PACSIN1: variants seen among roughly 807,000 people sequenced by gnomAD.
PACSIN1 encodes protein kinase C and casein kinase substrate in neurons 1.
A neutral mutation model predicts 59.5 loss-of-function variants in PACSIN1; 15 were observed. That is an observed-to-expected ratio of 0.25 (90% CI 0.17 to 0.39). The LOEUF (loss-of-function observed/expected upper bound fraction) is 0.39. Among genes scored for constraint, PACSIN1 ranks in the 10% least tolerant of loss-of-function variants. The pLI, the probability that PACSIN1 is intolerant of heterozygous loss-of-function variation, is 1.00. For synonymous variants in PACSIN1, 210 were observed against 220.6 expected, an observed-to-expected ratio of 0.95 and a Z score of 0.42; for missense variants, 420 against 580.2, an observed-to-expected ratio of 0.72 and a Z score of 2.84.
intron 1 of PACSIN1, among the ~76,000 whole-genome samples, chr6:34,508,126 G>A (rs999616275): frequency 1.3e-5 from 2 of 152,096 alleles, no homozygotes; most frequent in Admixed American, 6.6e-5. Context: ...TGTTTGAGAC[G>A]GAGTTTCGCT....
At chr6:34,523,350 T>C (rs950201547) in intron 1 of PACSIN1, among the ~76,000 whole-genome samples, 2 of 152,248 alleles carry the variant, frequency 1.3e-5, no homozygotes, top group Non-Finnish European at 2.9e-5. Flanking sequence ...CCGTGGTACC[T>C]GGACAAGCTC....
At chr6:34,520,041 T>G (rs1265612305) in intron 1 of PACSIN1, among the ~76,000 whole-genome samples, 1 of 151,950 alleles carries the variant, frequency 6.6e-6, no homozygotes, top group Non-Finnish European at 1.5e-5. Context: ...GGACAGGGAC[T>G]GAGCTGGCCC....
rs570268354 is a variant in PACSIN1 at position 34,533,122 on chromosome 6, G to A, written c.*592G>A. 1 of 152,478 alleles carries A rather than the reference G, an allele frequency of 6.6e-6. No homozygotes were observed. Among genetic ancestry groups the A allele is most frequent in the Admixed American group, 6.5e-5 (1 of 15,308 alleles). The allele number at this position is 152,478 out of a possible 1,614,324, so 9.4% of individuals were successfully genotyped here. On this transcript the variant is annotated 3_prime_UTR_variant, in exon 10 of 10. Coordinates refer to ENST00000244458, the MANE Select transcript of PACSIN1 (RefSeq NM_020804.5). ...GGAACGGTCACCCTCCTCCCCCATG[G>A]AGGTTTCCAGGGGTCCCCCAGACAT...
chr6:34,532,637 A>C lies in PACSIN1; in HGVS notation c.*107A>C. The C allele has an allele frequency of 1.5e-6, 1 of 678,390 alleles. No individual in the cohort carries two copies. The highest frequency in any genetic ancestry group is 1.9e-5 in the South Asian group (1 of 52,024). 42.0% of individuals were successfully genotyped at this position (678,390 alleles called of 1,614,324 possible). A position where few individuals can be genotyped will look rare whatever the true frequency, so the allele number is the denominator to read the frequency against. On this transcript the variant is annotated 3_prime_UTR_variant, in exon 10 of 10. Coordinates refer to ENST00000244458, the MANE Select transcript of PACSIN1 (RefSeq NM_020804.5). The surrounding 1 kb of genome is among the most constrained non-coding windows in gnomAD (Gnocchi z 5.2). ...AGAGTTCCAGACATATTTTCCGATC[A>C]AGCTTTTATTTTTTTAAAAGTCAAA...
intron 1 of PACSIN1, among the ~76,000 whole-genome samples, chr6:34,493,060 G>A (rs925518847): frequency 6.6e-5 from 10 of 152,204 alleles, no homozygotes; most frequent in African/African-American, 1.2e-4. Context: ...CATATGGAGC[G>A]CTGGGGCTGG....
rs55848755 is a variant in PACSIN1, at chr6:34,502,031, C to CAA, written c.-63-24192_-63-24191dup. Among the ~76,000 whole-genome samples the CAA allele has an allele frequency of 5.6e-3, 378 of 66,970 alleles. 6 individuals are homozygous for CAA. The highest frequency in any genetic ancestry group is 0.016 in the African/African-American group (310 of 19,118). The allele number at this position is 66,970 out of a possible 152,430, so 43.9% of individuals were successfully genotyped here. A position where few individuals can be genotyped will look rare whatever the true frequency, so the allele number is the denominator to read the frequency against. On this transcript the variant is annotated intron_variant, in intron 1 of 9. Transcript: ENST00000244458. ...CAGGAGACAGTGCAAGACTCTGTCT[C>CAA]AAAAAAAAAAAAAAAAAAAAAGCAA... is the stretch of plus-strand genomic sequence containing the variant.
intron 1 of PACSIN1, among the ~76,000 whole-genome samples, chr6:34,490,226 C>CTTTT (rs56754772): frequency 1.1e-3 from 114 of 102,696 alleles, no homozygotes; most frequent in Middle Eastern, 7.0e-3. Context: ...AATTTAAAAA[C>CTTTT]TTTTTTTTTT....
At chr6:34,469,044 T>C (rs1766535803) in intron 1 of PACSIN1, among the ~76,000 whole-genome samples, 1 of 151,602 alleles carries the variant, frequency 6.6e-6, no homozygotes, top group Non-Finnish European at 1.5e-5. Context: ...TAGAAAGCCT[T>C]CCCTGGAGAA....
At chr6:34,478,324 G>C (rs948473482) in intron 1 of PACSIN1, among the ~76,000 whole-genome samples, 1 of 148,398 alleles carries the variant, frequency 6.7e-6, no homozygotes, top group African/African-American at 2.5e-5. Flanking sequence ...CTCCCAAAGT[G>C]CTGGGATTAC....
In PACSIN1 at chr6:34,532,560, C is replaced by A; in HGVS notation, c.*30C>A. The stretch of plus-strand genomic sequence containing the variant: ...CCCCTCCCTCCATACTCCCGTCACT[C>A]CTCCCCACTGCCGCCCCTCCCCTCC... On this transcript the variant is annotated 3_prime_UTR_variant, in exon 10 of 10. Transcript: ENST00000244458. This position sits in a 1 kb window ranked among gnomAD's most constrained non-coding sequence, Gnocchi z 5.2. 7.8e-7 allele frequency: 1 copy of A among 1,278,610 alleles called. No individual in the cohort carries two copies. The highest frequency in any genetic ancestry group is 1.1e-6 in the Non-Finnish European group (1 of 906,726). 79.2% of individuals were successfully genotyped at this position (1,278,610 alleles called of 1,614,324 possible).
rs369507511 is a variant in PACSIN1, at chr6:34,514,706, G to A, written c.-63-11537G>A. Reference sequence around the variant, plus strand: ...TGCGTGCCCATGTTGATGCGGCGCCGTGCGGGAGGCGGGCATCCCCTGCTG... The same window carrying A: ...TGCGTGCCCATGTTGATGCGGCGCCATGCGGGAGGCGGGCATCCCCTGCTG... On this transcript the variant is annotated intron_variant, in intron 1 of 9. Coordinates refer to ENST00000244458, the MANE Select transcript of PACSIN1 (RefSeq NM_020804.5). The surrounding 1 kb of genome is among the most constrained non-coding windows in gnomAD (Gnocchi z 4.4). Among the ~76,000 whole-genome samples, 6 of 152,232 alleles carry A rather than the reference G, an allele frequency of 3.9e-5. No homozygotes were observed. The highest frequency in any genetic ancestry group is 3.9e-4 in the East Asian group (2 of 5,190).
Position 34,530,139 on chromosome 6 carries a change from G to A in PACSIN1, c.789-104G>A. The A allele has an allele frequency of 7.0e-7, 1 of 1,437,992 alleles. No individual in the cohort carries two copies. 89.1% of individuals were successfully genotyped at this position (1,437,992 alleles called of 1,614,324 possible). On this transcript the variant is annotated intron_variant, in intron 6 of 9. Transcript: ENST00000244458. The surrounding 1 kb of genome is among the most constrained non-coding windows in gnomAD (Gnocchi z 4.4). ...CACATGATTCCTGGCTGGGCAGCAT[G>A]CCCAGCACCCTGCTTCCCTGAGTGG... is the stretch of plus-strand genomic sequence containing the variant.
intron 1 of PACSIN1, among the ~76,000 whole-genome samples, chr6:34,481,502 T>C (rs1002050688): frequency 3.9e-5 from 6 of 151,972 alleles, no homozygotes; most frequent in Non-Finnish European, 7.4e-5. Context: ...AACCCATCTC[T>C]ACTAAAAATA....
chr6:34,471,713 G>A (rs1766572754), intron 1 of PACSIN1, among the ~76,000 whole-genome samples: 1 of 152,236 alleles, frequency 6.6e-6, no homozygotes, highest in Non-Finnish European at 1.5e-5. Flanking sequence ...AGTGGTCACA[G>A]TTTTGACTTG....
Position 34,481,411 on chromosome 6 carries a change from G to T in PACSIN1, c.-64+15141G>T, listed in dbSNP as rs148416697. 3.3e-5 allele frequency among the ~76,000 whole-genome samples: 5 copies of T among 152,090 alleles called. No homozygotes were observed. In the East Asian group the frequency reaches 9.7e-4, roughly 29 times the overall value. On this transcript the variant is annotated intron_variant, in intron 1 of 9. Transcript: ENST00000244458. ...AAAATGCCCTTGCTTGGCCGGGTGC[G>T]GTGGCTCACGCCTGTAATCCCAGCA...
chr6:34,490,525 C>A (rs1179555779), intron 1 of PACSIN1, among the ~76,000 whole-genome samples: 1 of 152,122 alleles, frequency 6.6e-6, no homozygotes, highest in Non-Finnish European at 1.5e-5. Flanking sequence ...TCTCATGACT[C>A]CTGAGCCTGC....
At chr6:34,528,195 AAAC>A (rs1475524396) in intron 3 of PACSIN1, among the ~76,000 whole-genome samples, 15 of 151,584 alleles carry the variant, frequency 9.9e-5, no homozygotes, top group East Asian at 1.9e-4. Context: ...GCCAGTACAC[AAAC>A]AACAAGTCAG....
At position 34,534,866 on chromosome 6, in the gene PACSIN1, T is replaced by A. The variant is rs1287921011; in HGVS notation, c.*2336T>A. 1 of 152,782 alleles carries A rather than the reference T, an allele frequency of 6.5e-6. No individual in the cohort carries two copies. The highest frequency in any genetic ancestry group is 6.5e-5 in the Admixed American group (1 of 15,292). The allele number at this position is 152,782 out of a possible 1,614,324, so 9.5% of individuals were successfully genotyped here. On this transcript the variant is annotated 3_prime_UTR_variant, in exon 10 of 10. Coordinates refer to ENST00000244458, the MANE Select transcript of PACSIN1 (RefSeq NM_020804.5). ...GTGTCAGGGCACTCAACACCGAGTG[T>A]GGGGGCCACGCCCCTTGCCATGCCC...
At chr6:34,504,979 TTA>T (rs1366615168) in intron 1 of PACSIN1, among the ~76,000 whole-genome samples, 1 of 150,730 alleles carries the variant, frequency 6.6e-6, no homozygotes. Context: ...TTTTTCCCTG[TTA>T]TTATTATTAT....
Sources: allele counts gnomAD v4.1 joint callset (sites outside exome capture counted in the v4.1 genomes callset), GRCh38; gene constraint gnomAD v4.1.1; non-coding constraint Gnocchi (gnomAD v3.1); transcripts MANE v1.5; gene names NCBI Gene and HGNC (gene_info 2026-07-23, HGNC 2026-07-21).